The following ARHGAP42 variants were observed in gnomAD, a reference collection of about 807,000 sequenced individuals.
ARHGAP42 encodes Rho GTPase activating protein 42.
A neutral mutation model predicts 125.0 loss-of-function variants in ARHGAP42; 63 were observed. The observed-to-expected ratio is 0.50, with a 90% CI of 0.41 to 0.62. The LOEUF (loss-of-function observed/expected upper bound fraction) is 0.62. ARHGAP42 is among the 20% of genes least tolerant of loss of function. ARHGAP42 has a pLI of 0.00. For missense variants in ARHGAP42, 766 were observed against 1,024.2 expected (o/e 0.75, Z 3.44); for synonymous variants, 339 against 351.0 (o/e 0.97, Z 0.38).
At chr11:100,753,521 G>A (rs570201150) in intron 1 of ARHGAP42, among the ~76,000 whole-genome samples, 10 of 152,284 alleles carry the variant, frequency 6.6e-5, no homozygotes, top group Admixed American at 2.6e-4. Context: ...CCTGGTTCTG[G>A]CCAAGGGAGT....
intron 2 of ARHGAP42, among the ~76,000 whole-genome samples, chr11:100,789,743 C>T (rs1863523130): frequency 6.6e-6 from 1 of 152,176 alleles, no homozygotes; most frequent in South Asian, 2.1e-4. Context: ...GTGCAGCCAT[C>T]TCCCTTACAG....
At chr11:100,751,454 A>G (rs1862455130) in intron 1 of ARHGAP42, among the ~76,000 whole-genome samples, 1 of 149,670 alleles carries the variant, frequency 6.7e-6, no homozygotes, top group South Asian at 2.1e-4. Context: ...CAGCTAATTT[A>G]TACTTTTTTA....
intron 3 of ARHGAP42, among the ~76,000 whole-genome samples, chr11:100,802,026 G>C (rs904198091): frequency 1.3e-5 from 2 of 152,110 alleles, no homozygotes; most frequent in Non-Finnish European, 1.5e-5. Context: ...TGGGTTAGAA[G>C]GTGTCATTGA....
At chr11:100,763,087 C>A (rs145940977) in intron 1 of ARHGAP42, among the ~76,000 whole-genome samples, 2,814 of 143,878 alleles carry the variant, frequency 0.02, 42 homozygotes, top group Non-Finnish European at 0.032. Flanking sequence ...TCAAGCAATT[C>A]TCATGCCTCA....
chr11:100,992,856 T>G lies in ARHGAP42; in HGVS notation c.*4055T>G. 1 of 787,586 alleles carries G rather than the reference T, an allele frequency of 1.3e-6. No individual in the cohort carries two copies. Among genetic ancestry groups the G allele is most frequent in the Non-Finnish European group, 1.9e-6 (1 of 516,412 alleles). 48.8% of individuals were successfully genotyped at this position (787,586 alleles called of 1,614,324 possible). On this transcript the variant is annotated 3_prime_UTR_variant, in exon 24 of 24. Transcript: ENST00000298815. Reference sequence around the variant, plus strand: ...TGATCTGCATGTCCTAGACCAATGATTACAAGGTGTCTGTGGTTTAGGGGG... The same window carrying G: ...TGATCTGCATGTCCTAGACCAATGAGTACAAGGTGTCTGTGGTTTAGGGGG...
intron 1 of ARHGAP42, among the ~76,000 whole-genome samples, chr11:100,747,527 T>C (rs756898591): frequency 2.0e-5 from 3 of 152,252 alleles, no homozygotes; most frequent in Non-Finnish European, 4.4e-5. Context: ...TTTATTTTAA[T>C]GTCCAATTCA....
At chr11:100,895,392 A>G (rs1206487271) in intron 4 of ARHGAP42, among the ~76,000 whole-genome samples, 2 of 151,886 alleles carry the variant, frequency 1.3e-5, no homozygotes, top group Non-Finnish European at 2.9e-5. Flanking sequence ...CCATGTCTTT[A>G]TCCTGGGGAG....
chr11:100,825,448 T>G (rs2135083463), intron 3 of ARHGAP42, among the ~76,000 whole-genome samples: 1 of 152,314 alleles, frequency 6.6e-6, no homozygotes, highest in Non-Finnish European at 1.5e-5. Context: ...AAATAAAGTG[T>G]TTTGTTTATA....
rs1858794766 is a variant in ARHGAP42 at position 100,990,139 on chromosome 11, A to G, written c.*1338A>G. On this transcript the variant is annotated 3_prime_UTR_variant, in exon 24 of 24. Transcript: ENST00000298815. The stretch of plus-strand genomic sequence containing the variant: ...TAATTCTAATATATTATTTCTATAA[A>G]TGTAATATCTGTATGTGGCAAAGAG... 1 of 152,140 alleles carries G rather than the reference A, an allele frequency of 6.6e-6. No homozygotes were observed. Among genetic ancestry groups the G allele is most frequent in the Non-Finnish European group, 1.5e-5 (1 of 68,030 alleles). 9.4% of individuals were successfully genotyped at this position (152,140 alleles called of 1,614,324 possible). A position where few individuals can be genotyped will look rare whatever the true frequency, so the allele number is the denominator to read the frequency against.
chr11:100,854,787 A>C (rs1291425158), intron 3 of ARHGAP42, among the ~76,000 whole-genome samples: 1 of 152,110 alleles, frequency 6.6e-6, no homozygotes, highest in Non-Finnish European at 1.5e-5. Flanking sequence ...TCTTTCTAAG[A>C]AGCTATTGAG....
In ARHGAP42 at chr11:100,687,487, G is replaced by C. The variant is rs1280641001; in HGVS notation, c.-192G>C. ...CCCGCGCCTGCGCTCGCCTAGCCTC[G>C]GGGGAGGAAGACTGAGCCCGGCGCA... On this transcript the variant is annotated 5_prime_UTR_variant, in exon 1 of 24. Transcript: ENST00000298815. The C allele has an allele frequency of 7.2e-6, 2 of 278,046 alleles. No homozygotes were observed. The highest frequency in any genetic ancestry group is 4.5e-5 in the African/African-American group (2 of 44,246). The allele number at this position is 278,046 out of a possible 1,614,324, so 17.2% of individuals were successfully genotyped here.
chr11:100,781,632 TGTA>T (rs1863314022), intron 2 of ARHGAP42, among the ~76,000 whole-genome samples: 3 of 152,206 alleles, frequency 2.0e-5, no homozygotes, highest in African/African-American at 4.8e-5. Flanking sequence ...CAAGGGGGTT[TGTA>T]TTCTTGTCAG....
At chr11:100,910,803 G>A (rs1044440327) in intron 4 of ARHGAP42, among the ~76,000 whole-genome samples, 1 of 151,668 alleles carries the variant, frequency 6.6e-6, no homozygotes, top group Non-Finnish European at 1.5e-5. Flanking sequence ...TTAATTTTAT[G>A]CTTAAACTGA....
Position 100,687,527 on chromosome 11 carries a change from CG to C in ARHGAP42, c.-148del, listed in dbSNP as rs933745926. 2.2e-6 allele frequency: 1 copy of C among 455,742 alleles called. No individual in the cohort carries two copies. The highest frequency in any genetic ancestry group is 3.1e-6 in the Non-Finnish European group (1 of 319,032). 28.2% of individuals were successfully genotyped at this position (455,742 alleles called of 1,614,324 possible). A position where few individuals can be genotyped will look rare whatever the true frequency, so the allele number is the denominator to read the frequency against. On this transcript the variant is annotated 5_prime_UTR_variant, in exon 1 of 24. Transcript: ENST00000298815. ...AGCCCGGCGCAGGCGGCGCGGCGCT[CG>C]GGGCCCGTTTCCTCCGCGCAATCAG...
intron 1 of ARHGAP42, among the ~76,000 whole-genome samples, chr11:100,748,641 A>T (rs564413576): frequency 1.4e-5 from 2 of 142,264 alleles, no homozygotes; most frequent in South Asian, 4.3e-4. Context: ...TCTAAAATTT[A>T]TTTTTCTACT....
chr11:100,696,318 T>G (rs560184090), intron 1 of ARHGAP42, among the ~76,000 whole-genome samples: 1 of 152,320 alleles, frequency 6.6e-6, no homozygotes, highest in East Asian at 1.9e-4. Flanking sequence ...TTTTAGATTC[T>G]ATGGTAAAAT....
At chr11:100,945,957 G>A (rs932849781) in intron 10 of ARHGAP42, among the ~76,000 whole-genome samples, 14 of 152,052 alleles carry the variant, frequency 9.2e-5, no homozygotes, top group African/African-American at 4.8e-5. Context: ...TTAAATGAGG[G>A]CATCTTCCAA....
chr11:100,814,361 C>CAAAAA (rs11351569), intron 3 of ARHGAP42, among the ~76,000 whole-genome samples: 4 of 109,814 alleles, frequency 3.6e-5, no homozygotes, highest in Non-Finnish European at 3.8e-5. Flanking sequence ...GACTCCGTCT[C>CAAAAA]AAAAAAAAAA....
chr11:100,788,558 A>C (rs1863489423), intron 2 of ARHGAP42, among the ~76,000 whole-genome samples: 1 of 152,156 alleles, frequency 6.6e-6, no homozygotes, highest in Non-Finnish European at 1.5e-5. Context: ...GCATCCGTGG[A>C]GCTTGAAGCC....
Sources: gnomAD v4.1 joint callset for allele counts (sites outside exome capture counted in the v4.1 genomes callset) on GRCh38, gnomAD v4.1.1 for gene constraint, MANE v1.5 for transcripts, NCBI Gene and HGNC (gene_info 2026-07-23, HGNC 2026-07-21) for gene names.